Variants in PCDH15 observed in about 807,000 individuals in gnomAD.
PCDH15 encodes protocadherin related 15.
PCDH15 carries 129 observed loss-of-function variants against 178.5 expected under a neutral mutation model. That is an observed-to-expected ratio of 0.72 (90% CI 0.63 to 0.84). The LOEUF (loss-of-function observed/expected upper bound fraction) is 0.84. Among genes scored for constraint, PCDH15 ranks in the 40% least tolerant of loss-of-function variants. The probability of loss-of-function intolerance (pLI) is 0.00; values close to 1 mark genes in which losing one functional copy is unlikely to be tolerated. For missense variants in PCDH15, 2,230 were observed against 2,099.9 expected (o/e 1.06, Z -1.21); for synonymous variants, 800 against 732.0 (o/e 1.09, Z -1.50).
At chr10:54,281,920 T>A (rs1292730335) in intron 8 of PCDH15, among the ~76,000 whole-genome samples, 1 of 152,062 alleles carries the variant, frequency 6.6e-6, no homozygotes, top group Non-Finnish European at 1.5e-5. Flanking sequence ...AAAACTATTT[T>A]CTTATGAAGG....
chr10:53,871,451 CGTGTGTGT>C (rs71461208), intron 26 of PCDH15, among the ~76,000 whole-genome samples: 15 of 146,904 alleles, frequency 1.0e-4, no homozygotes, highest in African/African-American at 3.0e-4. Flanking sequence ...TATATTCATA[CGTGTGTGT>C]GTGTGTGTGT....
At chr10:53,944,005 T>G (rs1398636258) in intron 23 of PCDH15, among the ~76,000 whole-genome samples, 1 of 152,166 alleles carries the variant, frequency 6.6e-6, no homozygotes, top group African/African-American at 2.4e-5. Flanking sequence ...ACATATGTCT[T>G]GAATACAAAT....
At chr10:54,561,980 CTTTTTTTTTTTT>C (rs575547228) in intron 2 of PCDH15, among the ~76,000 whole-genome samples, 7,652 of 75,508 alleles carry the variant, frequency 0.1, 376 homozygotes, top group Middle Eastern at 0.25. Context: ...CCGCACCCAG[CTTTTTTTTTTTT>C]TTTTTTTTTT....
intron 2 of PCDH15, among the ~76,000 whole-genome samples, chr10:55,495,614 G>T (rs1840515429): frequency 6.6e-6 from 1 of 151,814 alleles, no homozygotes; most frequent in African/African-American, 2.4e-5. Context: ...TCCATGTAGA[G>T]AAATTAGAAT....
At chr10:54,422,628 A>G (rs1955685165) in intron 3 of PCDH15, among the ~76,000 whole-genome samples, 1 of 152,166 alleles carries the variant, frequency 6.6e-6, no homozygotes, top group African/African-American at 2.4e-5. Flanking sequence ...AGTTTTGACA[A>G]TTGCAAAGGC....
At chr10:54,990,707 C>T (rs1356278677) in intron 2 of PCDH15, among the ~76,000 whole-genome samples, 1 of 151,938 alleles carries the variant, frequency 6.6e-6, no homozygotes, top group South Asian at 2.1e-4. Context: ...TATCTGTTGC[C>T]ATTTTAGTCA....
At chr10:55,210,977 C>A (rs377459076) in intron 1 of PCDH15, among the ~76,000 whole-genome samples, 4 of 151,916 alleles carry the variant, frequency 2.6e-5, no homozygotes, top group African/African-American at 9.7e-5. Context: ...CTCCCTGTAA[C>A]CCCCTTGAAA....
chr10:55,580,492 G>C (rs1842593906), intron 2 of PCDH15, among the ~76,000 whole-genome samples: 2 of 151,634 alleles, frequency 1.3e-5, no homozygotes, highest in Admixed American at 6.6e-5. Flanking sequence ...CGAGCAGCTG[G>C]GATTACAGGT....
At chr10:55,046,778 ATAAAT>A (rs1417844206) in intron 2 of PCDH15, among the ~76,000 whole-genome samples, 2 of 152,160 alleles carry the variant, frequency 1.3e-5, no homozygotes, top group East Asian at 3.9e-4. Context: ...GAAGCAGTGC[ATAAAT>A]TATGGCATCT....
intron 2 of PCDH15, among the ~76,000 whole-genome samples, chr10:54,554,028 G>T (rs2086897750): frequency 6.6e-6 from 1 of 152,130 alleles, no homozygotes; most frequent in Non-Finnish European, 1.5e-5. Flanking sequence ...CAGTTAAGAG[G>T]CTACTTGGTG....
At chr10:54,600,350 TAGAAGGAAAAG>T in intron 2 of PCDH15, 1 of 534,824 alleles carries the variant, frequency 1.9e-6, no homozygotes. Flanking sequence ...AATGGAGAGG[TAGAAGGAAAAG>T]AGAAGGGAGA....
chr10:55,188,660 C>T (rs145018764), intron 1 of PCDH15, among the ~76,000 whole-genome samples: 39 of 151,870 alleles, frequency 2.6e-4, no homozygotes, highest in African/African-American at 7.7e-4. Context: ...AGACAATTTC[C>T]AAACTTTTAC....
At chr10:54,799,557 C>A (rs971968948) in intron 1 of PCDH15, among the ~76,000 whole-genome samples, 24 of 152,000 alleles carry the variant, frequency 1.6e-4, no homozygotes, top group African/African-American at 5.6e-4. Context: ...CAAACTCTGA[C>A]CTGTTCAGGT....
At chr10:54,319,336 A>T (rs1591777809) in intron 7 of PCDH15, among the ~76,000 whole-genome samples, 1 of 152,216 alleles carries the variant, frequency 6.6e-6, no homozygotes, top group Non-Finnish European at 1.5e-5. Context: ...ACAATAGCAT[A>T]TGATTCAAGC....
intron 2 of PCDH15, among the ~76,000 whole-genome samples, chr10:54,551,901 T>C (rs1317231422): frequency 6.6e-6 from 1 of 152,112 alleles, no homozygotes; most frequent in Non-Finnish European, 1.5e-5. Context: ...TTTTCATATT[T>C]ATAAACACAT....
intron 10 of PCDH15, among the ~76,000 whole-genome samples, chr10:54,199,237 G>C (rs942603850): frequency 2.0e-5 from 3 of 152,034 alleles, no homozygotes; most frequent in Non-Finnish European, 4.4e-5. Context: ...TTGCTGACCA[G>C]ATATCTGTCT....
At chr10:54,965,433 T>C (rs888755488) in intron 2 of PCDH15, among the ~76,000 whole-genome samples, 5 of 152,060 alleles carry the variant, frequency 3.3e-5, no homozygotes, top group East Asian at 1.9e-4. Flanking sequence ...CCTGCTTCCA[T>C]GTAAGACGCG....
intron 20 of PCDH15, among the ~76,000 whole-genome samples, chr10:54,016,464 T>C (rs757038956): frequency 2.0e-5 from 3 of 151,746 alleles, no homozygotes; most frequent in African/African-American, 4.8e-5. Flanking sequence ...AATAAAGACA[T>C]GAAATCAATC....
rs7918000 is a variant in PCDH15 at position 55,337,389 on chromosome 10, C to A, written c.-155-170738G>T. ...ATAAAAATGCATTGCTGACCTCAAA[C>A]TTCATCAGTATGCCTGATGTGTTAT... On this transcript the variant is annotated intron_variant, in intron 2 of 5. Coordinates refer to the PCDH15 transcript ENST00000613346. Among the ~76,000 whole-genome samples, 800 of 152,290 alleles carry A rather than the reference C, an allele frequency of 5.3e-3. 5 individuals carry two copies. Among genetic ancestry groups the A allele is most frequent in the African/African-American group, 0.018 (756 of 41,556 alleles).
Sources: allele counts gnomAD v4.1 joint callset (sites outside exome capture counted in the v4.1 genomes callset), GRCh38; gene constraint gnomAD v4.1.1; transcripts MANE v1.5; gene names NCBI Gene and HGNC (gene_info 2026-07-23, HGNC 2026-07-21).